TNS3: variants seen among roughly 807,000 people sequenced by gnomAD.
TNS3 encodes the protein tensin-3.
In TNS3, 45 loss-of-function variants were observed where a neutral mutation model predicts 140.9. That is an observed-to-expected ratio of 0.32 (90% confidence interval 0.25 to 0.41). The LOEUF (loss-of-function observed/expected upper bound fraction) is 0.41, where lower values mean the gene tolerates loss of function less well. Ranked by LOEUF, TNS3 falls within the 10% of genes least tolerant of loss-of-function variation. The pLI is 1.00. For synonymous variants in TNS3, 815 were observed against 788.4 expected (o/e 1.03, Z -0.56); for missense variants, 1,716 against 1,906.7 (o/e 0.90, Z 1.86).
intron 13 of TNS3, among the ~76,000 whole-genome samples, chr7:47,401,177 A>AC (rs1433559859): frequency 6.6e-6 from 1 of 152,212 alleles, no homozygotes; most frequent in African/African-American, 2.4e-5. Flanking sequence ...CTCCTGTGGA[A>AC]CCGCAGCTCT....
At chr7:47,428,468 A>C in intron 8 of TNS3, 92 bp from the exon 9 acceptor site, 6 of 917,408 alleles carry the variant, frequency 6.5e-6, no homozygotes, top group Non-Finnish European at 9.1e-6. Context: ...GGACAAAACA[A>C]TAGAGAGCCT....
intron 27 of TNS3, among the ~76,000 whole-genome samples, chr7:47,288,006 T>C (rs541129893): frequency 6.6e-6 from 1 of 152,254 alleles, no homozygotes; most frequent in Non-Finnish European, 1.5e-5. Flanking sequence ...TAAAAACAAG[T>C]GCTATTAGGA....
At position 47,415,143 on chromosome 7, in the gene TNS3, G is replaced by T; in HGVS notation, c.537C>A (p.Phe179Leu). 2 of 1,612,260 alleles carry T rather than the reference G, an allele frequency of 1.2e-6. No individual in the cohort carries two copies. Among genetic ancestry groups the T allele is most frequent in the Non-Finnish European group, 1.7e-6 (2 of 1,179,286 alleles). The change falls in exon 11 of 31, where the codon TTC becomes TTA. Residue 179 changes from phenylalanine (F) to leucine (L), a missense_variant. Physicochemically the swap from Phe to Leu is conservative, Grantham distance 22. Transcript: ENST00000311160. ...GSVKMNASPL[F>L]LHFVILHGTP... ...TGCCGTGGAGGATGACAAAATGCAG[G>T]AACAGGGGAGAGGCATTCATTTTCA...
chr7:47,369,515 G>A lies in TNS3; in HGVS notation c.1131C>T (p.Thr377=). The A allele has an allele frequency of 6.2e-7, 1 of 1,614,030 alleles. No individual in the cohort carries two copies. Among genetic ancestry groups the A allele is most frequent in the South Asian group, 1.1e-5 (1 of 91,070 alleles). Residue 377 remains threonine (T), a synonymous_variant, in exon 17 of 31, where the codon ACC becomes ACT. Coordinates refer to ENST00000311160, the MANE Select transcript of TNS3 (RefSeq NM_022748.12). The stretch of plus-strand genomic sequence containing the variant: ...TGTGGTCACTGTGGTCTGGGCTGTT[G>A]GTGGCCGGGATTGCCTGGGGGCCAC... ...IPGGPQAIPA[T]NSPDHSDHTL...
chr7:47,277,882 C>T lies in TNS3; in HGVS notation c.*194G>A. The stretch of plus-strand genomic sequence containing the variant: ...GGCTACAGAGATGTGTCAGATAAGT[C>T]ACTTTCAGGAAAGGCCAATTCACGG... On this transcript the variant is annotated 3_prime_UTR_variant, in exon 31 of 31. Transcript: ENST00000311160. The T allele has an allele frequency of 1.4e-6, 1 of 719,498 alleles. No homozygotes were observed. Among genetic ancestry groups the T allele is most frequent in the Non-Finnish European group, 2.5e-6 (1 of 407,958 alleles). 44.6% of individuals were successfully genotyped at this position (719,498 alleles called of 1,614,324 possible).
chr7:47,340,945 T>C lies in TNS3; in HGVS notation c.2650+3810A>G, dbSNP rs562686307. Among the ~76,000 whole-genome samples, 3 of 152,338 alleles carry C rather than the reference T, an allele frequency of 2.0e-5. No individual in the cohort carries two copies. The South Asian group carries it at 6.2e-4, about 32-fold the overall frequency. ...CTATTTTGCTGGAAGTTTTGAGTCATGAATGATGTGAATTTTGCCAAACTC... is the reference window on the plus strand; with the variant it reads ...CTATTTTGCTGGAAGTTTTGAGTCACGAATGATGTGAATTTTGCCAAACTC... On this transcript the variant is annotated intron_variant, in intron 20 of 30. Coordinates refer to ENST00000311160, the MANE Select transcript of TNS3 (RefSeq NM_022748.12).
chr7:47,572,994 T>C (rs763708346), intron 1 of TNS3, among the ~76,000 whole-genome samples: 6 of 152,162 alleles, frequency 3.9e-5, no homozygotes, highest in East Asian at 1.9e-4. Context: ...CACAGGGATA[T>C]GTGGGGAGTT....
intron 3 of TNS3, among the ~76,000 whole-genome samples, chr7:47,501,044 C>G (rs1798194317): frequency 6.6e-6 from 1 of 151,954 alleles, no homozygotes. Flanking sequence ...AAGATCGCAC[C>G]ACTGCATTCC....
chr7:47,362,050 C>T (rs951141940), intron 17 of TNS3, among the ~76,000 whole-genome samples: 2 of 152,122 alleles, frequency 1.3e-5, no homozygotes, highest in Admixed American at 1.3e-4. Flanking sequence ...ACAAAAAACC[C>T]ACCACGTGCA....
At chr7:47,538,078 G>A (rs969658065) in intron 1 of TNS3, among the ~76,000 whole-genome samples, 7 of 149,784 alleles carry the variant, frequency 4.7e-5, no homozygotes, top group African/African-American at 1.5e-4. Context: ...TTAGAAACCC[G>A]AAGTTCAGGA....
At chr7:47,524,447 A>C (rs1799103820) in intron 2 of TNS3, among the ~76,000 whole-genome samples, 1 of 152,204 alleles carries the variant, frequency 6.6e-6, no homozygotes, top group African/African-American at 2.4e-5. Flanking sequence ...CAGCAGGAGC[A>C]GGTGCCTGTG....
At chr7:47,420,424 C>A (rs909884521) in intron 10 of TNS3, among the ~76,000 whole-genome samples, 2 of 152,106 alleles carry the variant, frequency 1.3e-5, no homozygotes, top group Admixed American at 6.5e-5. Context: ...TTCTTGGGCA[C>A]GTGCATTAAC....
chr7:47,435,515 T>C (rs1190029907), intron 7 of TNS3, 111 bp from the exon 8 acceptor site: 1 of 1,493,690 alleles, frequency 6.7e-7, no homozygotes, highest in African/African-American at 1.4e-5. Flanking sequence ...GTAAAGAACA[T>C]GCTGGGTGAC....
chr7:47,496,727 G>T (rs1171924752), intron 3 of TNS3, among the ~76,000 whole-genome samples: 1 of 152,214 alleles, frequency 6.6e-6, no homozygotes, highest in Non-Finnish European at 1.5e-5. Flanking sequence ...CTCGTCAGGG[G>T]CTTGTGGGAA....
At chr7:47,451,425 C>T (rs184180596) in intron 4 of TNS3, among the ~76,000 whole-genome samples, 2 of 152,072 alleles carry the variant, frequency 1.3e-5, no homozygotes, top group East Asian at 3.9e-4. Flanking sequence ...ACTAAAAATA[C>T]AAAAAATTAG....
intron 1 of TNS3, among the ~76,000 whole-genome samples, chr7:47,577,701 A>G (rs1800706940): frequency 6.6e-6 from 1 of 152,234 alleles, no homozygotes; most frequent in Non-Finnish European, 1.5e-5. Flanking sequence ...CGATCAGACT[A>G]GGGACAGAAA....
chr7:47,310,508 T>C (rs1336586098), intron 20 of TNS3, among the ~76,000 whole-genome samples: 1 of 152,052 alleles, frequency 6.6e-6, no homozygotes, highest in Non-Finnish European at 1.5e-5. Context: ...AGCCTGACTT[T>C]GTCTATACTC....
intron 20 of TNS3, among the ~76,000 whole-genome samples, chr7:47,330,903 C>T (rs767678398): frequency 6.6e-6 from 1 of 152,178 alleles, no homozygotes; most frequent in Non-Finnish European, 1.5e-5. Flanking sequence ...TGTCCACCAG[C>T]CTCACGGGTC....
chr7:47,285,368 G>A (rs1364614565), intron 27 of TNS3, among the ~76,000 whole-genome samples: 1 of 152,186 alleles, frequency 6.6e-6, no homozygotes, highest in Admixed American at 6.5e-5. Context: ...GAGCAACCTG[G>A]TGGGAGGTAA....
Sources: allele counts gnomAD v4.1 joint callset (sites outside exome capture counted in the v4.1 genomes callset), GRCh38; gene constraint gnomAD v4.1.1; transcripts MANE v1.5; gene names NCBI Gene and HGNC (gene_info 2026-07-23, HGNC 2026-07-21).